MYRFL: variants seen among roughly 807,000 people sequenced by gnomAD.
The protein encoded by MYRFL is myelin regulatory factor like.
Under a neutral mutation model 109.4 loss-of-function variants are expected in MYRFL, and 88 were observed. That is an observed-to-expected ratio of 0.80 (90% confidence interval 0.68 to 0.96). MYRFL has a LOEUF of 0.96. Among genes scored for constraint, MYRFL ranks in the 40% least tolerant of loss-of-function variants. MYRFL has a pLI of 0.00. For synonymous variants in MYRFL, 324 were observed against 320.9 expected, an observed-to-expected ratio of 1.01 and a Z score of -0.10; for missense variants, 957 against 954.9, an observed-to-expected ratio of 1.00 and a Z score of -0.03.
In MYRFL at chr12:69,958,663, G is replaced by C; in HGVS notation, c.*132G>C. The stretch of plus-strand genomic sequence containing the variant: ...GTTTATTGCTGAAGGACTTTTTCAG[G>C]CTTTAGCTTCCAACAGTTTTGAGAC... On this transcript the variant is annotated 3_prime_UTR_variant, in exon 25 of 25. Transcript: ENST00000552032. 1.5e-6 allele frequency: 1 copy of C among 656,402 alleles called. No homozygotes were observed. The highest frequency in any genetic ancestry group is 2.5e-6 in the Non-Finnish European group (1 of 396,926). 40.7% of individuals were successfully genotyped at this position (656,402 alleles called of 1,614,324 possible).
At chr12:69,825,914 A>G (rs140800782) in intron 1 of MYRFL, among the ~76,000 whole-genome samples, 38 of 152,184 alleles carry the variant, frequency 2.5e-4, no homozygotes, top group African/African-American at 9.1e-4. Flanking sequence ...TTCCATGTGA[A>G]GGGAAACGTG....
In MYRFL at chr12:69,897,311, AT is replaced by A. The variant is rs1954028938; in HGVS notation, c.1182+69del. ...TTCCTCCTATGTAGGCAGAATTTGAATTTTCAATGGTGTGCTTGAATATGCT... is the reference window on the plus strand; with the variant it reads ...TTCCTCCTATGTAGGCAGAATTTGAATTTCAATGGTGTGCTTGAATATGCT... On this transcript the variant is annotated intron_variant, in intron 10 of 24. Coordinates refer to ENST00000552032, the MANE Select transcript of MYRFL (RefSeq NM_182530.3). The A allele has an allele frequency of 4.5e-6, 5 of 1,119,960 alleles. No individual in the cohort carries two copies. In the South Asian group the frequency reaches 6.6e-5, roughly 15 times the overall value. The allele number at this position is 1,119,960 out of a possible 1,614,324, so 69.4% of individuals were successfully genotyped here.
chr12:69,958,083 G>A (rs899144870), intron 23 of MYRFL, 141 bp downstream of exon 23: 2 of 1,291,666 alleles, frequency 1.5e-6, no homozygotes, highest in Admixed American at 5.5e-5. Context: ...TGCCTTCTAA[G>A]GCAACTTCTG....
At chr12:69,944,228 T>C (rs1372799558) in intron 19 of MYRFL, among the ~76,000 whole-genome samples, 2 of 132,182 alleles carry the variant, frequency 1.5e-5, no homozygotes, top group South Asian at 2.7e-4. Context: ...TAAAGACACA[T>C]GCACACGTAT....
At chr12:69,865,145 A>G (rs1163666438) in intron 2 of MYRFL, among the ~76,000 whole-genome samples, 3 of 152,254 alleles carry the variant, frequency 2.0e-5, no homozygotes, top group Non-Finnish European at 4.4e-5. Context: ...AGAGAAAAGC[A>G]TAAACAATTT....
In MYRFL at chr12:69,936,348, C is replaced by T. The variant is rs1357394838; in HGVS notation, c.2044+13C>T. ...GCCTCCTCCTCAGGTAAAGGCTTCACATTCCTCACCCTCAAACCCGGTTTC... is the reference window on the plus strand; with the variant it reads ...GCCTCCTCCTCAGGTAAAGGCTTCATATTCCTCACCCTCAAACCCGGTTTC... On this transcript the variant is annotated intron_variant, in intron 18 of 24. Coordinates refer to ENST00000552032, the MANE Select transcript of MYRFL (RefSeq NM_182530.3). 2 of 1,535,730 alleles carry T rather than the reference C, an allele frequency of 1.3e-6. No individual in the cohort carries two copies. Among genetic ancestry groups the T allele is most frequent in the South Asian group, 1.2e-5 (1 of 83,964 alleles).
rs146680667 is a variant in MYRFL, at chr12:69,906,395, C to T, written c.1383+2551C>T. Among the ~76,000 whole-genome samples, 37 of 152,120 alleles carry T rather than the reference C, an allele frequency of 2.4e-4. No individual in the cohort carries two copies. The East Asian group carries it at 6.2e-3, about 25-fold the overall frequency. On this transcript the variant is annotated intron_variant, in intron 11 of 24. Coordinates refer to ENST00000552032, the MANE Select transcript of MYRFL (RefSeq NM_182530.3). ...ACTGTGGAAGGACATGCAGCTCTGA[C>T]GGTGGAAACTGAGCAAAACTAGGGG...
intron 2 of MYRFL, among the ~76,000 whole-genome samples, chr12:69,874,375 C>G (rs1240220): frequency 0.91 from 138,997 of 152,188 alleles, 63,820 homozygotes; most frequent in East Asian, 0.97. Flanking sequence ...ACAGGGTCTT[C>G]CCATGTTGTC....
chr12:69,835,022 C>T (rs1882851430), intron 1 of MYRFL, among the ~76,000 whole-genome samples: 2 of 152,124 alleles, frequency 1.3e-5, no homozygotes, highest in African/African-American at 4.8e-5. Context: ...GGATTTTGTT[C>T]TAATTTTATA....
intron 19 of MYRFL, among the ~76,000 whole-genome samples, chr12:69,938,537 G>C (rs537447139): frequency 3.3e-5 from 5 of 152,132 alleles, no homozygotes; most frequent in Non-Finnish European, 7.3e-5. Flanking sequence ...GGCCCCATAA[G>C]ATAATAATTG....
intron 2 of MYRFL, among the ~76,000 whole-genome samples, chr12:69,871,112 A>C (rs1359563099): frequency 6.6e-6 from 1 of 152,216 alleles, no homozygotes; most frequent in Admixed American, 6.5e-5. Context: ...GAATTTAAGA[A>C]GTCAAATGAT....
chr12:69,856,628 A>G (rs1001634043), intron 2 of MYRFL, among the ~76,000 whole-genome samples: 1 of 152,014 alleles, frequency 6.6e-6, no homozygotes, highest in African/African-American at 2.4e-5. Flanking sequence ...CCATGTATTA[A>G]TGTGCATTTT....
At chr12:69,879,549 C>T (rs1202178870) in intron 4 of MYRFL, 96 bp downstream of exon 4, 8 of 616,966 alleles carry the variant, frequency 1.3e-5, no homozygotes, top group Non-Finnish European at 2.3e-5. Context: ...ACAGTGGAGT[C>T]CTGTCCAGGA....
At chr12:69,954,569 T>C (rs1273599404) in intron 21 of MYRFL, among the ~76,000 whole-genome samples, 1 of 152,246 alleles carries the variant, frequency 6.6e-6, no homozygotes, top group African/African-American at 2.4e-5. Flanking sequence ...GCAAGATCTT[T>C]CCATTTCCTT....
At chr12:69,903,552 A>T (rs1954257046) in intron 10 of MYRFL, 92 bp from the exon 11 acceptor site, 1 of 1,262,636 alleles carries the variant, frequency 7.9e-7, no homozygotes, top group African/African-American at 1.5e-5. Flanking sequence ...AGACTTAGAT[A>T]ATATTCAGTT....
intron 19 of MYRFL, among the ~76,000 whole-genome samples, chr12:69,939,371 T>A (rs1257760145): frequency 8.6e-4 from 131 of 152,242 alleles, no homozygotes; most frequent in African/African-American, 3.0e-3. Context: ...CCTCCTCAAG[T>A]GGGTCCCTGA....
intron 1 of MYRFL, among the ~76,000 whole-genome samples, chr12:69,849,952 C>G (rs914643543): frequency 9.2e-5 from 14 of 152,102 alleles, no homozygotes; most frequent in African/African-American, 3.4e-4. Flanking sequence ...GGCTCTGTGT[C>G]CCCACCCAAA....
intron 1 of MYRFL, among the ~76,000 whole-genome samples, chr12:69,852,760 G>C (rs1409687888): frequency 6.6e-6 from 1 of 151,762 alleles, no homozygotes; most frequent in Admixed American, 6.6e-5. Context: ...GTGTCCCTGG[G>C]TACTTGAGAT....
chr12:69,865,247 A>G (rs957550978), intron 2 of MYRFL, among the ~76,000 whole-genome samples: 5 of 152,242 alleles, frequency 3.3e-5, no homozygotes, highest in African/African-American at 9.6e-5. Context: ...CTTGGGTTCA[A>G]TGAGGAGTGA....
Sources: allele counts gnomAD v4.1 joint callset (sites outside exome capture counted in the v4.1 genomes callset), GRCh38; gene constraint gnomAD v4.1.1; transcripts MANE v1.5; gene names NCBI Gene and HGNC (gene_info 2026-07-23, HGNC 2026-07-21).